Variants in JMJD1C observed in about 807,000 individuals in gnomAD.
JMJD1C encodes the protein jumonji domain containing 1C.
A neutral mutation model predicts 245.3 loss-of-function variants in JMJD1C; 31 were observed. The ratio of observed to expected loss-of-function variants is 0.13; its 90% CI spans 0.09 to 0.17. The LOEUF is 0.17. JMJD1C is among the 10% of genes least tolerant of loss of function. JMJD1C has a pLI of 1.00. For synonymous variants in JMJD1C, 1,057 were observed against 1,017.4 expected, an observed-to-expected ratio of 1.04 and a Z score of -0.74; for missense variants, 2,691 against 3,000.2, an observed-to-expected ratio of 0.90 and a Z score of 2.41.
intron 2 of JMJD1C, among the ~76,000 whole-genome samples, chr10:63,311,134 G>A (rs897711674): frequency 4.6e-5 from 7 of 151,798 alleles, no homozygotes; most frequent in African/African-American, 1.7e-4. Context: ...ATCTTGGAAG[G>A]CCGAGGCAGG....
At chr10:63,223,378 C>T (rs1047492447) in intron 3 of JMJD1C, among the ~76,000 whole-genome samples, 3 of 152,042 alleles carry the variant, frequency 2.0e-5, no homozygotes, top group African/African-American at 7.2e-5. Context: ...CAGGCGCATA[C>T]CACCATGCAC....
chr10:63,217,330 A>G lies in JMJD1C; in HGVS notation c.555T>C (p.Gly185=), dbSNP rs1696765927. ...EQKVQEIFMQ[G]PYSLNGYRVR... ...CTCTGTATCCATTTAAGGAATAAGGACCTTAAAAAAAACACAAGAAACAGA... is the reference window on the plus strand; with the variant it reads ...CTCTGTATCCATTTAAGGAATAAGGGCCTTAAAAAAAACACAAGAAACAGA... Residue 185 remains glycine, a splice_region_variant and synonymous_variant, in exon 5 of 26, where the codon GGT becomes GGC. Coordinates refer to ENST00000399262, the MANE Select transcript of JMJD1C (RefSeq NM_032776.3). 1 of 1,566,514 alleles carries G rather than the reference A, an allele frequency of 6.4e-7. No individual in the cohort carries two copies. Among genetic ancestry groups the G allele is most frequent in the East Asian group, 2.3e-5 (1 of 44,170 alleles).
At chr10:63,320,472 A>G (rs530441498) in intron 2 of JMJD1C, among the ~76,000 whole-genome samples, 3 of 152,292 alleles carry the variant, frequency 2.0e-5, no homozygotes, top group Admixed American at 2.0e-4. Flanking sequence ...TCAGCCCACA[A>G]TCACTGTCAG....
At chr10:63,496,928 A>C (rs1173264803) in intron 1 of JMJD1C, among the ~76,000 whole-genome samples, 1 of 152,220 alleles carries the variant, frequency 6.6e-6, no homozygotes, top group African/African-American at 2.4e-5. Context: ...GTGTTTCCTT[A>C]GTCTGAATAC....
At chr10:63,335,091 T>C (rs946269033) in intron 2 of JMJD1C, among the ~76,000 whole-genome samples, 13 of 147,250 alleles carry the variant, frequency 8.8e-5, no homozygotes, top group Non-Finnish European at 1.9e-4. Flanking sequence ...AAAAAAGAAC[T>C]GACCCAGAAA....
intron 1 of JMJD1C, among the ~76,000 whole-genome samples, chr10:63,519,261 T>G (rs1482284978): frequency 6.6e-6 from 1 of 152,212 alleles, no homozygotes; most frequent in East Asian, 1.9e-4. Flanking sequence ...CCATCCTACC[T>G]AGGTTGCCTT....
At chr10:63,211,271 C>T (rs1211380763) in intron 8 of JMJD1C, among the ~76,000 whole-genome samples, 1 of 151,958 alleles carries the variant, frequency 6.6e-6, no homozygotes. Context: ...TCGAGACCAG[C>T]CTGGCCAGCA....
rs149957223 is a variant in JMJD1C at position 63,366,732 on chromosome 10, T to C, written c.333+13586A>G. 4.9e-4 allele frequency among the ~76,000 whole-genome samples: 75 copies of C among 152,338 alleles called. No homozygotes were observed. The East Asian group carries it at 0.012, about 25-fold the overall frequency. Reference sequence around the variant, plus strand: ...CAAATAATAGCTCCAACTACAGCTGTATTACAATCAATTAGTAGAAATAAA... The same window carrying C: ...CAAATAATAGCTCCAACTACAGCTGCATTACAATCAATTAGTAGAAATAAA... On this transcript the variant is annotated intron_variant, in intron 2 of 25. Coordinates refer to ENST00000399262, the MANE Select transcript of JMJD1C (RefSeq NM_032776.3).
At chr10:63,349,131 T>G in intron 2 of JMJD1C, among the ~76,000 whole-genome samples, 1 of 104,838 alleles carries the variant, frequency 9.5e-6, no homozygotes, top group Admixed American at 8.8e-5. Context: ...AAAAAAGCCT[T>G]CCCTCTCCCT....
chr10:63,472,985 A>T (rs1037889340), intron 1 of JMJD1C, among the ~76,000 whole-genome samples: 4 of 151,530 alleles, frequency 2.6e-5, no homozygotes, highest in African/African-American at 9.7e-5. Flanking sequence ...GGGTCTCATC[A>T]TGTTGGCCAG....
chr10:63,177,930 T>G, intron 22 of JMJD1C, 74 bp from the exon 23 acceptor site: 1 of 1,503,756 alleles, frequency 6.7e-7, no homozygotes, highest in Non-Finnish European at 9.0e-7. Context: ...AGTTGATCTA[T>G]CAGAGCAGCA....
At chr10:63,420,674 A>T (rs1324576856) in intron 1 of JMJD1C, among the ~76,000 whole-genome samples, 2 of 145,400 alleles carry the variant, frequency 1.4e-5, no homozygotes, top group East Asian at 2.1e-4. Flanking sequence ...GCAATGAGCC[A>T]TCTTTGCCCC....
At chr10:63,304,218 A>G (rs968048885) in intron 2 of JMJD1C, among the ~76,000 whole-genome samples, 1 of 152,234 alleles carries the variant, frequency 6.6e-6, no homozygotes, top group African/African-American at 2.4e-5. Context: ...GAAAACCATT[A>G]AATATGAATT....
At chr10:63,222,455 G>A (rs1589197022) in intron 3 of JMJD1C, 2 of 966,812 alleles carry the variant, frequency 2.1e-6, no homozygotes, top group East Asian at 4.8e-5. Flanking sequence ...AAATCTTGAT[G>A]AAAACAATAA....
At chr10:63,184,855 CA>C (rs1415546475) in intron 20 of JMJD1C, 117 bp from the exon 21 acceptor site, 2 of 933,112 alleles carry the variant, frequency 2.1e-6, no homozygotes, top group Non-Finnish European at 3.1e-6. Flanking sequence ...AGACAGGTAA[CA>C]ATTTTCCTTG....
chr10:63,285,400 C>T (rs1400895741), intron 2 of JMJD1C, among the ~76,000 whole-genome samples: 1 of 152,182 alleles, frequency 6.6e-6, no homozygotes, highest in Non-Finnish European at 1.5e-5. Flanking sequence ...TCCAATCAGA[C>T]CCTGCTAAGC....
At chr10:63,247,229 A>C in intron 3 of JMJD1C, among the ~76,000 whole-genome samples, 1 of 151,962 alleles carries the variant, frequency 6.6e-6, no homozygotes, top group African/African-American at 2.4e-5. Context: ...AAAAAGGAGA[A>C]GACCCAAATA....
At chr10:63,485,577 G>GT (rs1953968166) in intron 1 of JMJD1C, among the ~76,000 whole-genome samples, 1 of 152,104 alleles carries the variant, frequency 6.6e-6, no homozygotes, top group South Asian at 2.1e-4. Flanking sequence ...TAACAAAGAG[G>GT]TATTAAAAAT....
intron 3 of JMJD1C, among the ~76,000 whole-genome samples, chr10:63,237,194 T>C (rs1850839761): frequency 6.6e-6 from 1 of 152,078 alleles, no homozygotes; most frequent in Admixed American, 6.5e-5. Context: ...CCTGCCACCA[T>C]GCCCAGCTAA....
Sources: allele counts gnomAD v4.1 joint callset (sites outside exome capture counted in the v4.1 genomes callset), GRCh38; gene constraint gnomAD v4.1.1; transcripts MANE v1.5; gene names NCBI Gene and HGNC (gene_info 2026-07-23, HGNC 2026-07-21).